ZCCHC7: variants seen among roughly 807,000 people sequenced by gnomAD.
ZCCHC7 encodes zinc finger CCHC-type containing 7.
A neutral mutation model predicts 52.0 loss-of-function variants in ZCCHC7; 35 were observed. That is an observed-to-expected ratio of 0.67 (90% CI 0.51 to 0.89). The LOEUF is 0.89. Ranked by LOEUF, ZCCHC7 falls within the 40% of genes least tolerant of loss-of-function variation. The pLI is 0.00. For missense variants in ZCCHC7, 574 were observed against 649.1 expected, an observed-to-expected ratio of 0.88 and a Z score of 1.26; for synonymous variants, 217 against 221.5, an observed-to-expected ratio of 0.98 and a Z score of 0.18.
At chr9:37,272,293 T>TA (rs1827455403) in intron 2 of ZCCHC7, among the ~76,000 whole-genome samples, 2 of 152,332 alleles carry the variant, frequency 1.3e-5, no homozygotes, top group South Asian at 4.1e-4. Context: ...AAATTGGCTC[T>TA]TTAATCTTTT....
At position 37,354,331 on chromosome 9, in the gene ZCCHC7, G is replaced by A. The variant is rs7043792; in HGVS notation, c.1084-379G>A. Among the ~76,000 whole-genome samples, 29,167 of 152,096 alleles carry A rather than the reference G, an allele frequency of 0.19. 3,055 individuals carry two copies. Among genetic ancestry groups the A allele is most frequent in the Non-Finnish European group, 0.24 (16,171 of 67,984 alleles). ...AGAAGAGATGGAAAAGAACTTGATA[G>A]AAGGCTGTTGGAAGTGATGGACAAG... On this transcript the variant is annotated intron_variant, in intron 7 of 8. Coordinates refer to ENST00000336755, the MANE Select transcript of ZCCHC7 (RefSeq NM_032226.3). The surrounding 1 kb of genome is among the most constrained non-coding windows in gnomAD (Gnocchi z 4.0).
rs369134997 is a variant in ZCCHC7 at position 37,208,011 on chromosome 9, G to T, written c.610+81069G>T. Reference sequence around the variant, plus strand: ...CCTGTACTCTGGCCCTCCTTTCTGTGTTAGTGGTGTTCACATCAGTTTTTT... The same window carrying T: ...CCTGTACTCTGGCCCTCCTTTCTGTTTTAGTGGTGTTCACATCAGTTTTTT... On this transcript the variant is annotated intron_variant, in intron 2 of 8. Coordinates refer to ENST00000336755, the MANE Select transcript of ZCCHC7 (RefSeq NM_032226.3). Among the ~76,000 whole-genome samples, 12 of 152,106 alleles carry T rather than the reference G, an allele frequency of 7.9e-5. 1 individual carries two copies. In the East Asian group the frequency reaches 9.6e-4, roughly 12 times the overall value.
intron 2 of ZCCHC7, among the ~76,000 whole-genome samples, chr9:37,128,236 C>T (rs1161724056): frequency 6.6e-6 from 1 of 152,068 alleles, no homozygotes; most frequent in Admixed American, 6.6e-5. Flanking sequence ...AAGAGAGACA[C>T]TAGTAATTGC....
At chr9:37,214,211 A>G (rs1037320393) in intron 2 of ZCCHC7, among the ~76,000 whole-genome samples, 1 of 152,098 alleles carries the variant, frequency 6.6e-6, no homozygotes. Context: ...TCATTAACAC[A>G]TTTGAGTATA....
rs1842545836 is a variant in ZCCHC7 at position 37,126,529 on chromosome 9, G to A, written c.197G>A (p.Ser66Asn). ...EKNSGNSESS[S>N]SKPNQKKLIV... is the part of the protein sequence containing the mutation. ...AACTCTGGGAATTCGGAATCTTCGA[G>A]TAGTAAACCAAATCAGAAGAAGCTA... The change falls in exon 2 of 9, where the codon AGT becomes AAT. Residue 66 changes from serine (S) to asparagine (N), a missense_variant. Transcript: ENST00000336755. The A allele has an allele frequency of 6.2e-7, 1 of 1,613,878 alleles. No homozygotes were observed. The highest frequency in any genetic ancestry group is 8.5e-7 in the Non-Finnish European group (1 of 1,180,032).
chr9:37,254,265 T>G (rs1276765465), intron 2 of ZCCHC7, among the ~76,000 whole-genome samples: 1 of 152,058 alleles, frequency 6.6e-6, no homozygotes, highest in Non-Finnish European at 1.5e-5. Context: ...CTCAGATGCT[T>G]GCTGAATAAA....
At chr9:37,225,354 GTATAT>G (rs1825039837) in intron 2 of ZCCHC7, among the ~76,000 whole-genome samples, 1 of 152,132 alleles carries the variant, frequency 6.6e-6, no homozygotes, top group Non-Finnish European at 1.5e-5. Flanking sequence ...AGCATTAGTA[GTATAT>G]TATATCACAC....
chr9:37,346,638 G>GCA (rs540292661), intron 6 of ZCCHC7, among the ~76,000 whole-genome samples: 94 of 152,258 alleles, frequency 6.2e-4, no homozygotes, highest in African/African-American at 2.1e-3. Flanking sequence ...TTGTGCTGCT[G>GCA]CACTCCAGCC....
At chr9:37,190,869 CA>C (rs1361745038) in intron 2 of ZCCHC7, among the ~76,000 whole-genome samples, 1 of 151,798 alleles carries the variant, frequency 6.6e-6, no homozygotes, top group Non-Finnish European at 1.5e-5. Flanking sequence ...AAAAAAATAC[CA>C]AATTAGCTGG....
intron 2 of ZCCHC7, among the ~76,000 whole-genome samples, chr9:37,269,631 AAAAAAAAAAAAAAAAC>A (rs1377764890): frequency 2.0e-5 from 3 of 148,806 alleles, no homozygotes; most frequent in South Asian, 2.1e-4. Flanking sequence ...AAAAAAAAAA[AAAAAAAAAAAAAAAAC>A]AAAAGAAGTT....
At chr9:37,325,815 T>A (rs574648372) in intron 5 of ZCCHC7, among the ~76,000 whole-genome samples, 1 of 152,338 alleles carries the variant, frequency 6.6e-6, no homozygotes, top group South Asian at 2.1e-4. Context: ...TTTTTAAAAA[T>A]TACAATACTA....
At chr9:37,280,041 T>C (rs1827877401) in intron 2 of ZCCHC7, among the ~76,000 whole-genome samples, 1 of 151,864 alleles carries the variant, frequency 6.6e-6, no homozygotes, top group Admixed American at 6.6e-5. Flanking sequence ...CTTAGGAGGC[T>C]GAGGCAGGAG....
chr9:37,206,596 C>T (rs772348065), intron 2 of ZCCHC7, among the ~76,000 whole-genome samples: 8 of 152,150 alleles, frequency 5.3e-5, no homozygotes, highest in Non-Finnish European at 8.8e-5. Flanking sequence ...AAGCGATCCA[C>T]TTGCCTCAGC....
chr9:37,277,808 C>T (rs968412107), intron 2 of ZCCHC7, among the ~76,000 whole-genome samples: 2 of 152,062 alleles, frequency 1.3e-5, no homozygotes, highest in Non-Finnish European at 1.5e-5. Context: ...TTGAACAAAA[C>T]GTGAACATTC....
intron 2 of ZCCHC7, among the ~76,000 whole-genome samples, chr9:37,238,188 G>A (rs1462759789): frequency 1.3e-5 from 2 of 152,162 alleles, no homozygotes; most frequent in Non-Finnish European, 2.9e-5. Context: ...TGACAAGTCA[G>A]TACTGATTCT....
At position 37,349,386 on chromosome 9, in the gene ZCCHC7, G is replaced by C; in HGVS notation, c.1017G>C (p.Lys339Asn). 1 of 1,613,958 alleles carries C rather than the reference G, an allele frequency of 6.2e-7. No individual in the cohort carries two copies. The highest frequency in any genetic ancestry group is 8.5e-7 in the Non-Finnish European group (1 of 1,179,954). ...AACCTGGACCACCCAAAAAGCCGAA[G>C]ACCCCTTCAAGACCATCAGCCTTAG... is the stretch of plus-strand genomic sequence containing the variant. The part of the protein sequence containing the change: ...TTKPGPPKKP[K>N]TPSRPSALAY... The change falls in exon 7 of 9, where the codon AAG becomes AAC. Residue 339 changes from lysine to asparagine, a missense_variant. Lys to Asn is a moderately conservative substitution (Grantham distance 94, BLOSUM62 0). Transcript: ENST00000336755.
At chr9:37,180,687 A>C (rs1414833933) in intron 2 of ZCCHC7, among the ~76,000 whole-genome samples, 2 of 151,682 alleles carry the variant, frequency 1.3e-5, no homozygotes, top group African/African-American at 4.8e-5. Flanking sequence ...TAAATTGCAA[A>C]CTCTTATTTT....
chr9:37,289,695 C>G (rs527491537), intron 2 of ZCCHC7, among the ~76,000 whole-genome samples: 1 of 152,234 alleles, frequency 6.6e-6, no homozygotes, highest in Admixed American at 6.5e-5. Flanking sequence ...ATTACTCTTA[C>G]GAGTTTTTGT....
intron 2 of ZCCHC7, among the ~76,000 whole-genome samples, chr9:37,207,468 A>T (rs1823979060): frequency 7.1e-6 from 1 of 141,774 alleles, no homozygotes. Flanking sequence ...CTGGTTGGAG[A>T]TCAAACTTTT....
Sources: gnomAD v4.1 joint callset for allele counts (sites outside exome capture counted in the v4.1 genomes callset) on GRCh38, gnomAD v4.1.1 for gene constraint, Gnocchi (gnomAD v3.1) non-coding constraint, MANE v1.5 for transcripts, NCBI Gene and HGNC (gene_info 2026-07-23, HGNC 2026-07-21) for gene names.